CNTNAP2: variants seen among roughly 807,000 people sequenced by gnomAD.
The protein encoded by CNTNAP2 is contactin-associated protein-like 2.
In CNTNAP2, 98 loss-of-function variants were observed where a neutral mutation model predicts 155.2. The observed-to-expected ratio is 0.63, with a 90% CI of 0.54 to 0.75. The LOEUF (loss-of-function observed/expected upper bound fraction) is 0.75. Ranked by LOEUF, CNTNAP2 falls within the 30% of genes least tolerant of loss-of-function variation. CNTNAP2 has a pLI of 0.00. For synonymous variants in CNTNAP2, 651 were observed against 631.2 expected (o/e 1.03, Z -0.47); for missense variants, 1,727 against 1,688.1 (o/e 1.02, Z -0.40).
chr7:147,366,777 G>A (rs1265342088), intron 9 of CNTNAP2, among the ~76,000 whole-genome samples: 4 of 56,926 alleles, frequency 7.0e-5, no homozygotes, highest in African/African-American at 2.5e-4. Flanking sequence ...CGAATTTGTT[G>A]CACGCACACA....
intron 10 of CNTNAP2, among the ~76,000 whole-genome samples, chr7:147,448,402 G>A (rs952397100): frequency 1.5e-4 from 23 of 151,728 alleles, no homozygotes; most frequent in African/African-American, 5.5e-4. Flanking sequence ...AGAATTCTGA[G>A]ACATTCTTCT....
At chr7:146,758,774 A>G (rs1802035497) in intron 1 of CNTNAP2, among the ~76,000 whole-genome samples, 1 of 152,094 alleles carries the variant, frequency 6.6e-6, no homozygotes, top group African/African-American at 2.4e-5. Flanking sequence ...TCAAAATGAG[A>G]TTTGGGTGGG....
chr7:147,291,718 T>C (rs1286483843), intron 8 of CNTNAP2, among the ~76,000 whole-genome samples: 1 of 152,080 alleles, frequency 6.6e-6, no homozygotes, highest in Non-Finnish European at 1.5e-5. Context: ...TTGTCCAGAG[T>C]TTTCCAAAAA....
intron 1 of CNTNAP2, among the ~76,000 whole-genome samples, chr7:146,159,710 C>A (rs933372815): frequency 6.6e-5 from 10 of 152,138 alleles, no homozygotes; most frequent in African/African-American, 2.2e-4. Flanking sequence ...TATATATGCA[C>A]CCAATACAGG....
intron 8 of CNTNAP2, among the ~76,000 whole-genome samples, chr7:147,260,142 G>T (rs540119889): frequency 1.6e-4 from 24 of 152,258 alleles, no homozygotes; most frequent in Non-Finnish European, 3.4e-4. Flanking sequence ...GATGAGGAAC[G>T]GTAGTGAGCC....
At chr7:147,210,951 A>T (rs986227098) in intron 8 of CNTNAP2, among the ~76,000 whole-genome samples, 1 of 150,532 alleles carries the variant, frequency 6.6e-6, no homozygotes, top group African/African-American at 2.4e-5. Context: ...GCTTCGTATG[A>T]TTTAGATTTT....
intron 3 of CNTNAP2, among the ~76,000 whole-genome samples, chr7:146,906,491 A>AC (rs546845100): frequency 0.013 from 1,908 of 151,994 alleles, 39 homozygotes; most frequent in African/African-American, 0.043. Context: ...TGGGTCCCTG[A>AC]CCCCTGACCC....
chr7:146,861,822 C>A (rs563858493), intron 3 of CNTNAP2, among the ~76,000 whole-genome samples: 2 of 151,966 alleles, frequency 1.3e-5, no homozygotes, highest in Admixed American at 6.6e-5. Context: ...GGAGCCATGG[C>A]GCCTTATAAA....
chr7:147,158,087 C>G (rs957957459), intron 8 of CNTNAP2, among the ~76,000 whole-genome samples: 1 of 152,036 alleles, frequency 6.6e-6, no homozygotes, highest in Non-Finnish European at 1.5e-5. Flanking sequence ...GCAAATCTCT[C>G]GTTTCTTTGA....
chr7:148,132,424 AG>A (rs2116630058), intron 16 of CNTNAP2, among the ~76,000 whole-genome samples: 1 of 149,356 alleles, frequency 6.7e-6, no homozygotes, highest in South Asian at 2.1e-4. Context: ...TCAATTTTTA[AG>A]GGGATTGTGC....
At chr7:146,429,304 A>C (rs1033334786) in intron 1 of CNTNAP2, among the ~76,000 whole-genome samples, 2 of 152,202 alleles carry the variant, frequency 1.3e-5, no homozygotes, top group Non-Finnish European at 1.5e-5. Context: ...ATAGCATTGA[A>C]TCTATAAATT....
At chr7:146,291,093 T>C (rs1355024846) in intron 1 of CNTNAP2, among the ~76,000 whole-genome samples, 1 of 152,184 alleles carries the variant, frequency 6.6e-6, no homozygotes, top group African/African-American at 2.4e-5. Context: ...CTAACTAGAC[T>C]AAGATAAAAC....
intron 1 of CNTNAP2, among the ~76,000 whole-genome samples, chr7:146,722,676 G>C (rs1194720398): frequency 2.0e-5 from 3 of 151,736 alleles, no homozygotes; most frequent in South Asian, 2.1e-4. Context: ...TTATGGGTTA[G>C]TGTTATGGAC....
At chr7:146,644,415 T>A (rs1234983981) in intron 1 of CNTNAP2, among the ~76,000 whole-genome samples, 1 of 152,180 alleles carries the variant, frequency 6.6e-6, no homozygotes, top group Admixed American at 6.5e-5. Context: ...GAGATAATCA[T>A]GTGGTTTTTG....
At chr7:147,832,224 TTAATTATATAAA>T (rs1798561324) in intron 13 of CNTNAP2, among the ~76,000 whole-genome samples, 2 of 143,698 alleles carry the variant, frequency 1.4e-5, no homozygotes, top group Admixed American at 1.4e-4. Flanking sequence ...AATTATACAT[TTAATTATATAAA>T]CATTTAATTA....
Position 146,335,271 on chromosome 7 carries a change from G to A in CNTNAP2, c.97+218298G>A, listed in dbSNP as rs189896021. On this transcript the variant is annotated intron_variant, in intron 1 of 23. Coordinates refer to ENST00000361727, the MANE Select transcript of CNTNAP2 (RefSeq NM_014141.6). ...AGTGTTAGTTATGATGATATATACC[G>A]TTTCTAAAATTTCTCCATATGCACA... 1.6e-3 allele frequency among the ~76,000 whole-genome samples: 248 copies of A among 152,172 alleles called. 2 individuals carry two copies. Among genetic ancestry groups the A allele is most frequent in the African/African-American group, 5.9e-3 (243 of 41,502 alleles).
intron 15 of CNTNAP2, among the ~76,000 whole-genome samples, chr7:148,054,952 T>G (rs975040513): frequency 2.0e-5 from 3 of 151,260 alleles, no homozygotes; most frequent in Non-Finnish European, 4.4e-5. Context: ...CCACAATCTC[T>G]GCTCACTGCA....
At chr7:147,848,532 T>C (rs1280153247) in intron 13 of CNTNAP2, among the ~76,000 whole-genome samples, 2 of 150,944 alleles carry the variant, frequency 1.3e-5, no homozygotes, top group South Asian at 2.1e-4. Flanking sequence ...GTACCTCAGA[T>C]GGAAATGCAG....
intron 15 of CNTNAP2, among the ~76,000 whole-genome samples, chr7:148,070,516 A>G (rs1209786675): frequency 6.6e-6 from 1 of 152,242 alleles, no homozygotes; most frequent in Admixed American, 6.5e-5. Flanking sequence ...CAGGAGTTTG[A>G]GACCAGCCTG....
Sources: gnomAD v4.1 joint callset for allele counts (sites outside exome capture counted in the v4.1 genomes callset) on GRCh38, gnomAD v4.1.1 for gene constraint, MANE v1.5 for transcripts, NCBI Gene and HGNC (gene_info 2026-07-23, HGNC 2026-07-21) for gene names.